The following RBFOX3 variants were observed in gnomAD, a reference collection of about 807,000 sequenced individuals.
RBFOX3 encodes the protein RNA binding fox-1 homolog 3.
RBFOX3 carries 17 observed loss-of-function variants against 48.7 expected under a neutral mutation model. The ratio of observed to expected loss-of-function variants is 0.35; its 90% CI spans 0.24 to 0.52. The LOEUF is 0.52. RBFOX3 is among the 20% of genes least tolerant of loss of function. The pLI is 0.94. For missense variants in RBFOX3, 382 were observed against 497.5 expected (o/e 0.77, Z 2.21); for synonymous variants, 212 against 209.5 (o/e 1.01, Z -0.10).
chr17:79,356,159 C>T (rs542709930), intron 2 of RBFOX3, among the ~76,000 whole-genome samples: 3 of 152,078 alleles, frequency 2.0e-5, no homozygotes, highest in East Asian at 1.9e-4. Context: ...GAGCTGACGT[C>T]GGTCCTGCCT....
At chr17:79,614,566 C>T (rs1323468786), upstream of RBFOX3, among the ~76,000 whole-genome samples, 4 of 152,142 alleles carry the variant, frequency 2.6e-5, no homozygotes, top group African/African-American at 7.2e-5. Flanking sequence ...CGCAACAGAG[C>T]GGGGCCGACT....
At chr17:79,147,899 A>G (rs917085698) in intron 4 of RBFOX3, among the ~76,000 whole-genome samples, 1 of 152,016 alleles carries the variant, frequency 6.6e-6, no homozygotes, top group African/African-American at 2.4e-5. Flanking sequence ...GAAGAAAATT[A>G]CTCCCTGAAA....
chr17:79,124,225 T>C (rs945281813), intron 4 of RBFOX3, among the ~76,000 whole-genome samples: 2 of 152,140 alleles, frequency 1.3e-5, no homozygotes, highest in Non-Finnish European at 2.9e-5. Flanking sequence ...ACATAAGGGC[T>C]GGATTGGGAT....
intron 2 of RBFOX3, among the ~76,000 whole-genome samples, chr17:79,386,823 C>T (rs1002424330): frequency 4.6e-5 from 7 of 152,348 alleles, no homozygotes; most frequent in Admixed American, 2.0e-4. Context: ...CTACCCACCC[C>T]GCCTAGTGGC....
At chr17:79,259,868 G>C (rs531009854) in intron 3 of RBFOX3, among the ~76,000 whole-genome samples, 9 of 152,274 alleles carry the variant, frequency 5.9e-5, no homozygotes, top group Non-Finnish European at 1.0e-4. Context: ...GAAGAGGCCC[G>C]TCTGAGCATT....
rs375615964 is a variant in RBFOX3, at chr17:79,226,338, C to T, written c.-34+9428G>A. Among the ~76,000 whole-genome samples, 17 of 152,326 alleles carry T rather than the reference C, an allele frequency of 1.1e-4. No individual in the cohort carries two copies. In the East Asian group the frequency reaches 1.2e-3, roughly 10 times the overall value. Reference sequence around the variant, plus strand: ...CCAACTTGGGCTTTAACCGTATTAGCGTCACCCCAACAGCACATTCCCTGG... The same window carrying T: ...CCAACTTGGGCTTTAACCGTATTAGTGTCACCCCAACAGCACATTCCCTGG... On this transcript the variant is annotated intron_variant, in intron 4 of 14. Coordinates refer to ENST00000693108, the MANE Select transcript of RBFOX3 (RefSeq NM_001350451.2).
chr17:79,221,096 T>A (rs1053991350), intron 4 of RBFOX3, among the ~76,000 whole-genome samples: 4 of 152,176 alleles, frequency 2.6e-5, no homozygotes, highest in Non-Finnish European at 5.9e-5. Context: ...GGATTTCCGC[T>A]CAGCCCTGCC....
chr17:79,593,474 G>T (rs1354793848), intron 1 of RBFOX3, among the ~76,000 whole-genome samples: 1 of 152,152 alleles, frequency 6.6e-6, no homozygotes, highest in Non-Finnish European at 1.5e-5. Context: ...AGGTCACATT[G>T]CCTTGACACC....
At chr17:79,620,313 A>C in the RBFOX3 span, among the ~76,000 whole-genome samples, 2 of 150,864 alleles carry the variant, frequency 1.3e-5, no homozygotes, top group Non-Finnish European at 3.0e-5. Flanking sequence ...ACATGCACAA[A>C]TATGTACATA....
chr17:79,269,222 C>T (rs1329986973), intron 3 of RBFOX3, among the ~76,000 whole-genome samples: 1 of 152,208 alleles, frequency 6.6e-6, no homozygotes, highest in Non-Finnish European at 1.5e-5. Flanking sequence ...GTCCCAGGAG[C>T]TGGAAGAGGC....
intron 2 of RBFOX3, among the ~76,000 whole-genome samples, chr17:79,398,248 C>T (rs1363517082): frequency 6.6e-6 from 1 of 152,120 alleles, no homozygotes; most frequent in African/African-American, 2.4e-5. Flanking sequence ...ACTCCCAGAA[C>T]TGCCCCCCAA....
At position 79,311,754 on chromosome 17, in the gene RBFOX3, G is replaced by T. The variant is rs558577043; in HGVS notation, c.-174-3930C>A. 6.6e-6 allele frequency among the ~76,000 whole-genome samples: 1 copy of T among 152,166 alleles called. No individual in the cohort carries two copies. The highest frequency in any genetic ancestry group is 1.5e-5 in the Non-Finnish European group (1 of 68,028). ...CACCTCCCCATGCTCTGCCCAGCAT[G>T]CAGTTCTGGCTGGTGGAGTGGGAAG... On this transcript the variant is annotated intron_variant, in intron 2 of 14. Coordinates refer to ENST00000693108, the MANE Select transcript of RBFOX3 (RefSeq NM_001350451.2). The surrounding 1 kb of genome is among the most constrained non-coding windows in gnomAD (Gnocchi z 4.2).
rs978561616 is a variant in RBFOX3 at position 79,243,004 on chromosome 17, G to A, written c.-73-7199C>T. 1.3e-5 allele frequency among the ~76,000 whole-genome samples: 2 copies of A among 152,062 alleles called. No individual in the cohort carries two copies. Among genetic ancestry groups the A allele is most frequent in the African/African-American group, 4.8e-5 (2 of 41,436 alleles). On this transcript the variant is annotated intron_variant, in intron 3 of 14. Transcript: ENST00000693108. The surrounding 1 kb of genome is among the most constrained non-coding windows in gnomAD (Gnocchi z 7.9). Reference sequence around the variant, plus strand: ...GCAGCATGCATGCCTAGCACTTGCTGAATGTATGCCAGGCTACCTGCTGGG... The same window carrying A: ...GCAGCATGCATGCCTAGCACTTGCTAAATGTATGCCAGGCTACCTGCTGGG...
chr17:79,514,771 T>C (rs909585046), intron 1 of RBFOX3, among the ~76,000 whole-genome samples: 63 of 152,196 alleles, frequency 4.1e-4, no homozygotes, highest in African/African-American at 1.3e-3. Context: ...GCATTTCTAT[T>C]TGGTTAAGGC....
intron 4 of RBFOX3, among the ~76,000 whole-genome samples, chr17:79,217,780 G>T (rs2059239208): frequency 6.6e-6 from 1 of 152,096 alleles, no homozygotes; most frequent in Non-Finnish European, 1.5e-5. Flanking sequence ...GGGGTGGGAG[G>T]CAGGGTGTTT....
chr17:79,602,475 C>T (rs1239048830), intron 1 of RBFOX3, among the ~76,000 whole-genome samples: 3 of 152,206 alleles, frequency 2.0e-5, no homozygotes, highest in Non-Finnish European at 1.5e-5. Context: ...TCCCCAGCAG[C>T]TGGGGGCACG....
intron 2 of RBFOX3, among the ~76,000 whole-genome samples, chr17:79,433,610 A>G (rs542662518): frequency 1.3e-5 from 2 of 152,182 alleles, no homozygotes; most frequent in African/African-American, 4.8e-5. Flanking sequence ...CCCTGGACCC[A>G]GCCGATTCCA....
At chr17:79,504,682 A>G (rs1288378243) in intron 1 of RBFOX3, among the ~76,000 whole-genome samples, 1 of 152,142 alleles carries the variant, frequency 6.6e-6, no homozygotes, top group African/African-American at 2.4e-5. Flanking sequence ...TTATAAGGAC[A>G]TTGGTGATTA....
intron 2 of RBFOX3, among the ~76,000 whole-genome samples, chr17:79,349,742 C>T (rs2083538482): frequency 6.6e-6 from 1 of 152,062 alleles, no homozygotes; most frequent in Non-Finnish European, 1.5e-5. Flanking sequence ...AACAAAGATG[C>T]GTCATGTAGC....
Sources: allele counts gnomAD v4.1 joint callset (sites outside exome capture counted in the v4.1 genomes callset), GRCh38; gene constraint gnomAD v4.1.1; non-coding constraint Gnocchi (gnomAD v3.1); transcripts MANE v1.5; gene names NCBI Gene and HGNC (gene_info 2026-07-23, HGNC 2026-07-21).